BANK1: variants seen among roughly 807,000 people sequenced by gnomAD.
BANK1 encodes B cell scaffold protein with ankyrin repeats 1.
Under a neutral mutation model 94.5 loss-of-function variants are expected in BANK1, and 95 were observed. The ratio of observed to expected loss-of-function variants is 1.00; its 90% confidence interval spans 0.85 to 1.19. The LOEUF (loss-of-function observed/expected upper bound fraction) is 1.19, where lower values mean the gene tolerates loss of function less well. Ranked by LOEUF, BANK1 falls within the 50% of genes most tolerant of loss-of-function variation. The pLI is 0.00. For missense variants in BANK1, 987 were observed against 932.2 expected (o/e 1.06, Z -0.77); for synonymous variants, 334 against 308.4 (o/e 1.08, Z -0.87).
intron 5 of BANK1, among the ~76,000 whole-genome samples, chr4:101,882,885 C>T (rs745968366): frequency 6.6e-6 from 1 of 151,242 alleles, no homozygotes; most frequent in Non-Finnish European, 1.5e-5. Flanking sequence ...CTTAGCTGTC[C>T]GTCCAAAGGA....
intron 7 of BANK1, among the ~76,000 whole-genome samples, chr4:101,933,412 G>T (rs1450462129): frequency 6.6e-6 from 1 of 151,320 alleles, no homozygotes; most frequent in Non-Finnish European, 1.5e-5. Context: ...AAGGGGTATG[G>T]AGTTTTACAT....
chr4:101,847,733 T>TCACACA (rs1250069492), intron 2 of BANK1, among the ~76,000 whole-genome samples: 1 of 98,544 alleles, frequency 1.0e-5, no homozygotes, highest in Admixed American at 1.2e-4. Flanking sequence ...TAGTATTCCA[T>TCACACA]CATACACACA....
At chr4:101,836,646 TTGA>T (rs1211935562) in intron 2 of BANK1, among the ~76,000 whole-genome samples, 1 of 152,226 alleles carries the variant, frequency 6.6e-6, no homozygotes, top group Non-Finnish European at 1.5e-5. Flanking sequence ...TTGAAACCTC[TTGA>T]TGAAAGGTTT....
intron 10 of BANK1, among the ~76,000 whole-genome samples, chr4:102,031,708 A>G (rs1192207098): frequency 6.6e-6 from 1 of 152,186 alleles, no homozygotes; most frequent in Non-Finnish European, 1.5e-5. Flanking sequence ...CTCAACTCCT[A>G]TAAATAATAT....
intron 7 of BANK1, among the ~76,000 whole-genome samples, chr4:101,944,797 C>CA (rs1248236821): frequency 6.6e-6 from 1 of 151,938 alleles, no homozygotes; most frequent in Non-Finnish European, 1.5e-5. Flanking sequence ...GAGCTGAATG[C>CA]AGTTGTGTGA....
intron 7 of BANK1, among the ~76,000 whole-genome samples, chr4:101,926,523 C>T (rs1028212058): frequency 6.6e-6 from 1 of 151,676 alleles, no homozygotes; most frequent in African/African-American, 2.4e-5. Flanking sequence ...TATTTATTGA[C>T]TATCTGTTAG....
At chr4:101,940,266 T>C (rs1723699170) in intron 7 of BANK1, among the ~76,000 whole-genome samples, 1 of 151,594 alleles carries the variant, frequency 6.6e-6, no homozygotes. Flanking sequence ...AAAAACAGAT[T>C]CGAAAGTCAT....
At chr4:101,945,398 A>G (rs1282828051) in intron 7 of BANK1, among the ~76,000 whole-genome samples, 3 of 151,974 alleles carry the variant, frequency 2.0e-5, no homozygotes, top group African/African-American at 7.2e-5. Flanking sequence ...GAAATATGCT[A>G]TTCACCATGC....
chr4:101,815,794 T>A (rs1725892396), intron 1 of BANK1, among the ~76,000 whole-genome samples: 1 of 150,402 alleles, frequency 6.6e-6, no homozygotes, highest in Non-Finnish European at 1.5e-5. Context: ...CTCTTGTTTT[T>A]TATAGTCAAG....
intron 1 of BANK1, among the ~76,000 whole-genome samples, chr4:101,797,501 A>G (rs11944577): frequency 0.27 from 41,591 of 152,140 alleles, 6,014 homozygotes; most frequent in Non-Finnish European, 0.32. Flanking sequence ...AATGGAAGTT[A>G]GTGAACAATT....
At chr4:102,056,878 C>A (rs546508383) in intron 11 of BANK1, among the ~76,000 whole-genome samples, 3 of 151,986 alleles carry the variant, frequency 2.0e-5, no homozygotes, top group Admixed American at 6.6e-5. Flanking sequence ...TGGTGGCGCA[C>A]GCCTGTAATC....
At chr4:102,028,735 C>T (rs1271890423) in intron 9 of BANK1, among the ~76,000 whole-genome samples, 2 of 152,072 alleles carry the variant, frequency 1.3e-5, no homozygotes, top group Non-Finnish European at 2.9e-5. Context: ...AATATTTTAA[C>T]ATATTCTTAT....
intron 5 of BANK1, among the ~76,000 whole-genome samples, chr4:101,891,421 T>G (rs1405132108): frequency 6.6e-6 from 1 of 152,116 alleles, no homozygotes; most frequent in East Asian, 1.9e-4. Flanking sequence ...ATATTTTCTT[T>G]GTATTTAGTT....
intron 6 of BANK1, among the ~76,000 whole-genome samples, chr4:101,910,349 G>C (rs1212600814): frequency 6.6e-6 from 1 of 152,130 alleles, no homozygotes; most frequent in Non-Finnish European, 1.5e-5. Context: ...TTAAAGTCAA[G>C]ATAGATTTTT....
chr4:101,988,309 A>G (rs150758761), intron 7 of BANK1, among the ~76,000 whole-genome samples: 1 of 152,332 alleles, frequency 6.6e-6, no homozygotes, highest in East Asian at 1.9e-4. Context: ...CTAGGTGTTA[A>G]AACAGCTTTT....
At chr4:102,009,223 G>A (rs1290274441) in intron 7 of BANK1, among the ~76,000 whole-genome samples, 1 of 152,220 alleles carries the variant, frequency 6.6e-6, no homozygotes, top group Non-Finnish European at 1.5e-5. Flanking sequence ...CCCAACTTGA[G>A]TGTTGGAAAG....
At chr4:101,902,240 C>T (rs1300999819) in intron 6 of BANK1, among the ~76,000 whole-genome samples, 1 of 152,106 alleles carries the variant, frequency 6.6e-6, no homozygotes, top group Non-Finnish European at 1.5e-5. Context: ...ACCCATGACA[C>T]CTGGTTGACT....
chr4:101,894,108 T>C (rs1398266129), intron 5 of BANK1, among the ~76,000 whole-genome samples: 2 of 152,006 alleles, frequency 1.3e-5, no homozygotes, highest in Non-Finnish European at 2.9e-5. Flanking sequence ...GCAGTTTCCT[T>C]TTGCCCACCC....
intron 7 of BANK1, among the ~76,000 whole-genome samples, chr4:101,973,301 C>T (rs1725014981): frequency 6.6e-6 from 1 of 151,692 alleles, no homozygotes; most frequent in Non-Finnish European, 1.5e-5. Flanking sequence ...TTAAAAACTA[C>T]AGCCATCATA....
Sources: gnomAD v4.1 joint callset for allele counts (sites outside exome capture counted in the v4.1 genomes callset) on GRCh38, gnomAD v4.1.1 for gene constraint, MANE v1.5 for transcripts, NCBI Gene and HGNC (gene_info 2026-07-23, HGNC 2026-07-21) for gene names.